The following GYG1 variants were observed in gnomAD, a reference collection of about 807,000 sequenced individuals.
The protein encoded by GYG1 is glycogenin-1.
A neutral mutation model predicts 41.9 loss-of-function variants in GYG1; 44 were observed. The observed-to-expected ratio is 1.05, with a 90% CI of 0.83 to 1.35. GYG1 has a LOEUF of 1.35. Among genes scored for constraint, GYG1 ranks in the 40% most tolerant of loss-of-function variants. The probability of loss-of-function intolerance (pLI) is 0.00; values close to 1 mark genes in which losing one functional copy is unlikely to be tolerated. For missense variants in GYG1, 429 were observed against 418.9 expected, an observed-to-expected ratio of 1.02 and a Z score of -0.21; for synonymous variants, 141 against 158.1, an observed-to-expected ratio of 0.89 and a Z score of 0.81.
At chr3:149,008,479 C>CT (rs1319911051) in intron 4 of GYG1, among the ~76,000 whole-genome samples, 2 of 152,222 alleles carry the variant, frequency 1.3e-5, no homozygotes, top group Non-Finnish European at 2.9e-5. Flanking sequence ...GGTCCCCCGT[C>CT]TTTCCCCCAT....
At position 148,996,436 on chromosome 3, in the gene GYG1, C is replaced by T; in HGVS notation, c.278C>T (p.Thr93Ile). The T allele has an allele frequency of 6.2e-7, 1 of 1,614,056 alleles. No individual in the cohort carries two copies. Residue 93 changes from threonine (T) to isoleucine (I), a missense_variant, in exon 3 of 8, where the codon ACA becomes ATA. Coordinates refer to ENST00000345003, the MANE Select transcript of GYG1 (RefSeq NM_004130.4). Reference sequence around the variant, plus strand: ...ACAAAGCTCCACTGCTGGTCGCTTACACAGTATTCAAAATGTGTATTCATG... The same window carrying T: ...ACAAAGCTCCACTGCTGGTCGCTTATACAGTATTCAAAATGTGTATTCATG... Reference protein sequence around the residue: ...TLTKLHCWSLTQYSKCVFMDA... With the variant: ...TLTKLHCWSLIQYSKCVFMDA...
chr3:149,001,088 A>G (rs1393768373), intron 4 of GYG1: 2 of 152,304 alleles, frequency 1.3e-5, no homozygotes, highest in East Asian at 3.9e-4. Context: ...TGCCCAAAAA[A>G]AGAATGAAGG....
chr3:149,003,645 A>T (rs1480114531), intron 4 of GYG1, among the ~76,000 whole-genome samples: 1 of 152,138 alleles, frequency 6.6e-6, no homozygotes, highest in African/African-American at 2.4e-5. Context: ...TTCCCTAGGG[A>T]TTAAGATGTG....
chr3:149,009,516 AG>A (rs1480190497), intron 5 of GYG1, 114 bp downstream of exon 5: 3 of 1,077,016 alleles, frequency 2.8e-6, no homozygotes, highest in Non-Finnish European at 4.3e-6. Flanking sequence ...AGACACTTTG[AG>A]GAAAGTTTCT....
chr3:149,003,459 G>C (rs1381502617), intron 4 of GYG1, among the ~76,000 whole-genome samples: 1 of 152,022 alleles, frequency 6.6e-6, no homozygotes, highest in Admixed American at 6.5e-5. Context: ...TTTGGATTTT[G>C]AAGTATCTGA....
intron 5 of GYG1, among the ~76,000 whole-genome samples, chr3:149,012,761 T>C (rs1202364258): frequency 1.3e-5 from 2 of 152,162 alleles, no homozygotes; most frequent in East Asian, 1.9e-4. Context: ...AATTTGAAAA[T>C]TAAAATGCTT....
intron 4 of GYG1, among the ~76,000 whole-genome samples, chr3:148,999,680 GTTA>G (rs543399574): frequency 6.4e-4 from 98 of 152,114 alleles, no homozygotes; most frequent in African/African-American, 2.0e-3. Context: ...TTTTCAATAT[GTTA>G]TTATATAAAA....
rs368318069 is a variant in GYG1, at chr3:149,009,967, G to A, written c.608+565G>A. ...TTCTTTCTGCCTCCATGTCTTCATA[G>A]GGTTATTGTGGGTAGTAAGGGAGGT... On this transcript the variant is annotated intron_variant, in intron 5 of 7. Coordinates refer to ENST00000345003, the MANE Select transcript of GYG1 (RefSeq NM_004130.4). Among the ~76,000 whole-genome samples, 58 of 152,342 alleles carry A rather than the reference G, an allele frequency of 3.8e-4. 1 individual carries two copies. The highest frequency in any genetic ancestry group is 1.4e-3 in the African/African-American group (58 of 41,588).
intron 5 of GYG1, among the ~76,000 whole-genome samples, chr3:149,011,704 G>A (rs1713737759): frequency 6.6e-6 from 1 of 152,066 alleles, no homozygotes; most frequent in Non-Finnish European, 1.5e-5. Context: ...CAAATGAATT[G>A]CCCCCAAAAA....
In GYG1 at chr3:149,027,025, G is replaced by C. The variant is rs1384848242; in HGVS notation, c.*92G>C. ...GCTGGGTTGAGAAAAGTCTGTTACA[G>C]TTGCTAGAGGTTTTCATTAAAACTT... is the stretch of plus-strand genomic sequence containing the variant. On this transcript the variant is annotated 3_prime_UTR_variant, in exon 8 of 8. Coordinates refer to ENST00000345003, the MANE Select transcript of GYG1 (RefSeq NM_004130.4). The C allele has an allele frequency of 1.5e-6, 2 of 1,324,194 alleles. No homozygotes were observed. Among genetic ancestry groups the C allele is most frequent in the African/African-American group, 2.9e-5 (2 of 69,122 alleles). 82.0% of individuals were successfully genotyped at this position (1,324,194 alleles called of 1,614,324 possible).
At chr3:149,004,879 G>A (rs987208608) in intron 4 of GYG1, among the ~76,000 whole-genome samples, 1 of 152,208 alleles carries the variant, frequency 6.6e-6, no homozygotes, top group African/African-American at 2.4e-5. Flanking sequence ...GATGTTTGTA[G>A]GGTACCTGAG....
chr3:148,994,083 G>GA (rs1712646634), intron 1 of GYG1, 59 bp from the exon 2 acceptor site: 1 of 1,509,950 alleles, frequency 6.6e-7, no homozygotes, highest in South Asian at 1.1e-5. Context: ...GGTTCCTGGG[G>GA]AAAAGGCTTT....
Position 149,028,514 on chromosome 3 carries a change from A to G in GYG1, c.*1581A>G, listed in dbSNP as rs1397770539. Among the ~76,000 whole-genome samples the G allele has an allele frequency of 6.6e-6, 1 of 152,170 alleles. No homozygotes were observed. Among genetic ancestry groups the G allele is most frequent in the Non-Finnish European group, 1.5e-5 (1 of 68,030 alleles). On this transcript the variant is annotated 3_prime_UTR_variant, in exon 8 of 8. Coordinates refer to ENST00000345003, the MANE Select transcript of GYG1 (RefSeq NM_004130.4). Reference sequence around the variant, plus strand: ...GGACTTCTCAAAATTTTAGCTAGTCAGAGGTCTTTCTGGCTTCCGAGTCCC... The same window carrying G: ...GGACTTCTCAAAATTTTAGCTAGTCGGAGGTCTTTCTGGCTTCCGAGTCCC...
chr3:149,027,044 A>G lies in GYG1; in HGVS notation c.*111A>G. The G allele has an allele frequency of 8.5e-7, 1 of 1,178,418 alleles. No homozygotes were observed. Among genetic ancestry groups the G allele is most frequent in the Non-Finnish European group, 1.3e-6 (1 of 796,444 alleles). The allele number at this position is 1,178,418 out of a possible 1,614,324, so 73.0% of individuals were successfully genotyped here. A position where few individuals can be genotyped will look rare whatever the true frequency, so the allele number is the denominator to read the frequency against. On this transcript the variant is annotated 3_prime_UTR_variant, in exon 8 of 8. Coordinates refer to ENST00000345003, the MANE Select transcript of GYG1 (RefSeq NM_004130.4). ...GTTACAGTTGCTAGAGGTTTTCATT[A>G]AAACTTATCAGATGAGAGGCTTTTT...
In GYG1 at chr3:149,024,233, AT is replaced by A. The variant is rs1326131750; in HGVS notation, c.792del (p.Phe264LeufsTer11). ...TTNVLPLLQQ[F>X]GLVKDTCSYV... The stretch of plus-strand genomic sequence containing the variant: ...CCAACGTTTTACCTCTGCTTCAACA[AT>A]TTGGCCTTGTCAAAGACACCTGCTC... On this transcript the variant is annotated frameshift_variant, in exon 6 of 8. Transcript: ENST00000345003. LOFTEE classifies it high-confidence loss of function. 1.2e-6 allele frequency: 2 copies of A among 1,613,848 alleles called. No individual in the cohort carries two copies. Among genetic ancestry groups the A allele is most frequent in the South Asian group, 1.1e-5 (1 of 91,074 alleles).
chr3:149,001,464 G>C (rs1227537529), intron 4 of GYG1: 1 of 152,188 alleles, frequency 6.6e-6, no homozygotes, highest in African/African-American at 2.4e-5. Flanking sequence ...CTCCAGCTTT[G>C]TAACTGTCAG....
At chr3:148,995,634 C>T (rs1299453272) in intron 2 of GYG1, among the ~76,000 whole-genome samples, 6 of 152,168 alleles carry the variant, frequency 3.9e-5, no homozygotes, top group African/African-American at 9.7e-5. Context: ...TCTTCAAAAA[C>T]GTCAAGTTTA....
At chr3:148,994,055 T>C in intron 1 of GYG1, 87 bp from the exon 2 acceptor site, 1 of 1,213,308 alleles carries the variant, frequency 8.2e-7, no homozygotes, top group Admixed American at 1.8e-5. Flanking sequence ...CTGGTTTTGC[T>C]GAATTACTGT....
chr3:149,005,486 T>C (rs1713346879), intron 4 of GYG1, among the ~76,000 whole-genome samples: 1 of 152,214 alleles, frequency 6.6e-6, no homozygotes, highest in Non-Finnish European at 1.5e-5. Context: ...TAGACATTAG[T>C]TTTAATTGCT....
Sources: allele counts gnomAD v4.1 joint callset (sites outside exome capture counted in the v4.1 genomes callset), GRCh38; gene constraint gnomAD v4.1.1; transcripts MANE v1.5; gene names NCBI Gene and HGNC (gene_info 2026-07-23, HGNC 2026-07-21).